The following KCNH7 variants were observed in gnomAD, a reference collection of about 807,000 sequenced individuals.
The protein encoded by KCNH7 is voltage-gated inwardly rectifying potassium channel KCNH7.
A neutral mutation model predicts 120.8 loss-of-function variants in KCNH7; 49 were observed. That is an observed-to-expected ratio of 0.41 (90% CI 0.32 to 0.51). The LOEUF is 0.51. KCNH7 is among the 20% of genes least tolerant of loss of function. The pLI, the probability that KCNH7 is intolerant of heterozygous loss-of-function variation, is 0.38. For synonymous variants in KCNH7, 547 were observed against 516.1 expected (o/e 1.06, Z -0.81); for missense variants, 1,097 against 1,446.6 (o/e 0.76, Z 3.92).
chr2:162,477,450 A>G (rs1463756842), intron 6 of KCNH7, among the ~76,000 whole-genome samples: 7 of 152,286 alleles, frequency 4.6e-5, no homozygotes, highest in African/African-American at 1.7e-4. Flanking sequence ...TGAGAAAAAA[A>G]GTCAACAGGG....
intron 3 of KCNH7, among the ~76,000 whole-genome samples, chr2:162,528,883 T>G (rs574049156): frequency 6.6e-6 from 1 of 151,994 alleles, no homozygotes; most frequent in African/African-American, 2.4e-5. Context: ...ATGTGTTTCA[T>G]AGACTTGGCT....
intron 14 of KCNH7, among the ~76,000 whole-genome samples, chr2:162,374,286 T>G (rs1686081733): frequency 6.6e-6 from 1 of 152,194 alleles, no homozygotes; most frequent in South Asian, 2.1e-4. Context: ...TTCACTTGCT[T>G]CTAATGACCC....
Position 162,396,957 on chromosome 2 carries a change from T to A in KCNH7, c.2408-12A>T, listed in dbSNP as rs750506508. ...TATATCATTTTTTCCTAAGAAAATA[T>A]AAAGAAAAAGAGGCGGGGAAAGGGA... On this transcript the variant is annotated splice_polypyrimidine_tract_variant and intron_variant, in intron 10 of 15. Transcript: ENST00000332142. The A allele has an allele frequency of 6.4e-7, 1 of 1,573,622 alleles. No individual in the cohort carries two copies. The highest frequency in any genetic ancestry group is 1.4e-5 in the African/African-American group (1 of 73,812).
At chr2:162,384,599 A>C (rs983506658) in intron 13 of KCNH7, 89 bp downstream of exon 13, 2 of 1,199,736 alleles carry the variant, frequency 1.7e-6, no homozygotes, top group Non-Finnish European at 2.4e-6. Context: ...TTAGATTAAC[A>C]TGTGTCAGTA....
At chr2:162,562,497 C>A (rs1693107452) in intron 2 of KCNH7, among the ~76,000 whole-genome samples, 1 of 152,016 alleles carries the variant, frequency 6.6e-6, no homozygotes, top group Non-Finnish European at 1.5e-5. Flanking sequence ...TGGGGTGAGT[C>A]CAAGATGCTG....
intron 2 of KCNH7, among the ~76,000 whole-genome samples, chr2:162,601,978 A>G (rs981696860): frequency 1.3e-5 from 2 of 152,102 alleles, no homozygotes; most frequent in African/African-American, 4.8e-5. Context: ...TGAATGCTAT[A>G]AGTCTCACTG....
chr2:162,745,625 C>T lies in KCNH7; in HGVS notation c.307+90912G>A, dbSNP rs559004350. On this transcript the variant is annotated intron_variant, in intron 2 of 15. Coordinates refer to ENST00000332142, the MANE Select transcript of KCNH7 (RefSeq NM_033272.4). ...AAAAATCAATAGTCACCACAGAAGA[C>T]ATTTTCCAGTAGGACAAACTTGATA... is the stretch of plus-strand genomic sequence containing the variant. Among the ~76,000 whole-genome samples, 80 of 152,182 alleles carry T rather than the reference C, an allele frequency of 5.3e-4. 1 individual carries two copies. In the South Asian group the frequency reaches 0.011, roughly 20 times the overall value.
chr2:162,544,582 T>C (rs1692414817), intron 2 of KCNH7, among the ~76,000 whole-genome samples: 1 of 152,166 alleles, frequency 6.6e-6, no homozygotes, highest in African/African-American at 2.4e-5. Context: ...AATTCCTTCA[T>C]TAAGCCAAGA....
At chr2:162,624,840 G>T (rs1391413320) in intron 2 of KCNH7, among the ~76,000 whole-genome samples, 1 of 151,374 alleles carries the variant, frequency 6.6e-6, no homozygotes, top group South Asian at 2.1e-4. Flanking sequence ...GCCACCAAAG[G>T]GAGTTTCAGG....
intron 6 of KCNH7, among the ~76,000 whole-genome samples, chr2:162,466,518 G>A (rs1689309280): frequency 6.6e-6 from 1 of 152,154 alleles, no homozygotes; most frequent in African/African-American, 2.4e-5. Context: ...GTAACCATGT[G>A]GGGATTATGG....
chr2:162,690,818 A>T lies in KCNH7; in HGVS notation c.307+145719T>A, dbSNP rs370943136. Among the ~76,000 whole-genome samples the T allele has an allele frequency of 3.2e-4, 49 of 152,288 alleles. 1 individual carries two copies. The East Asian group carries it at 8.9e-3, about 28-fold the overall frequency. ...TTTAGGGAGAGAAAACTTGCACAGAAAAGTTTACTTTTTATTTCTACAGGG... is the reference window on the plus strand; with the variant it reads ...TTTAGGGAGAGAAAACTTGCACAGATAAGTTTACTTTTTATTTCTACAGGG... On this transcript the variant is annotated intron_variant, in intron 2 of 15. Coordinates refer to ENST00000332142, the MANE Select transcript of KCNH7 (RefSeq NM_033272.4).
chr2:162,371,884 A>G lies in KCNH7; in HGVS notation c.3536T>C (p.Val1179Ala), dbSNP rs942531071. ...PSLPDSSLST[V>A]GIVGLHRHVS... ...ATGCCTATGAAGACCCACGATTCCT[A>G]CAGTGCTTAGGGATGAATCTGGCAA... The change falls in exon 16 of 16, where the codon GTA becomes GCA. Residue 1179 changes from valine (V) to alanine (A), a missense_variant. Physicochemically the swap from Val to Ala is moderately conservative, Grantham distance 64. Transcript: ENST00000332142. 1.9e-6 allele frequency: 3 copies of G among 1,613,666 alleles called. No individual in the cohort carries two copies. Among genetic ancestry groups the G allele is most frequent in the South Asian group, 1.1e-5 (1 of 91,076 alleles).
chr2:162,537,327 A>G (rs777389188), intron 2 of KCNH7, among the ~76,000 whole-genome samples: 3 of 152,060 alleles, frequency 2.0e-5, no homozygotes, highest in Non-Finnish European at 2.9e-5. Context: ...AGAAATATCA[A>G]ATTCTATTTG....
intron 2 of KCNH7, among the ~76,000 whole-genome samples, chr2:162,724,516 C>A (rs1328300349): frequency 6.6e-6 from 1 of 150,732 alleles, no homozygotes; most frequent in Non-Finnish European, 1.5e-5. Context: ...ACTAAAAATA[C>A]AAAAAATTAG....
chr2:162,809,911 T>TAATATAATATACATTTATGA (rs1455946367), intron 2 of KCNH7, among the ~76,000 whole-genome samples: 2 of 54,896 alleles, frequency 3.6e-5, no homozygotes, highest in Non-Finnish European at 4.6e-5. Context: ...CACCTATTCT[T>TAATATAATATACATTTATGA]TTTTTTTTTT....
At chr2:162,748,863 T>TCCCCCCCCCC (rs1553520215) in intron 2 of KCNH7, among the ~76,000 whole-genome samples, 1 of 32,816 alleles carries the variant, frequency 3.0e-5, no homozygotes. Context: ...TCCCCTTCCC[T>TCCCCCCCCCC]CCCCTCCCCC....
chr2:162,558,048 C>T (rs34637987), intron 2 of KCNH7, among the ~76,000 whole-genome samples: 7,354 of 152,212 alleles, frequency 0.048, 353 homozygotes, highest in African/African-American at 0.11. Context: ...CCATATATTA[C>T]CTGCTTTGAG....
chr2:162,800,648 A>C (rs1684308620), intron 2 of KCNH7, among the ~76,000 whole-genome samples: 1 of 151,948 alleles, frequency 6.6e-6, no homozygotes, highest in African/African-American at 2.4e-5. Flanking sequence ...GGCATTATTC[A>C]GGCATGTGTA....
intron 2 of KCNH7, among the ~76,000 whole-genome samples, chr2:162,641,080 G>C (rs1684140324): frequency 6.6e-6 from 1 of 152,164 alleles, no homozygotes; most frequent in Non-Finnish European, 1.5e-5. Context: ...TAGCTGATGG[G>C]AAGGTATAAT....
Sources: allele counts gnomAD v4.1 joint callset (sites outside exome capture counted in the v4.1 genomes callset), GRCh38; gene constraint gnomAD v4.1.1; transcripts MANE v1.5; gene names NCBI Gene and HGNC (gene_info 2026-07-23, HGNC 2026-07-21).